The following CORO2A variants were observed in gnomAD, a reference collection of about 807,000 sequenced individuals.
The protein encoded by CORO2A is coronin-2A.
Under a neutral mutation model 62.4 loss-of-function variants are expected in CORO2A, and 47 were observed. The ratio of observed to expected loss-of-function variants is 0.75; its 90% CI spans 0.60 to 0.96. The LOEUF (loss-of-function observed/expected upper bound fraction) is 0.96. Among genes scored for constraint, CORO2A ranks in the 40% least tolerant of loss-of-function variants. The probability of loss-of-function intolerance (pLI) is 0.00; values close to 1 mark genes in which losing one functional copy is unlikely to be tolerated. For missense variants in CORO2A, 610 were observed against 684.1 expected, an observed-to-expected ratio of 0.89 and a Z score of 1.21; for synonymous variants, 273 against 268.9, an observed-to-expected ratio of 1.02 and a Z score of -0.15.
rs1323150725 is a variant in CORO2A at position 98,132,896 on chromosome 9, G to T, written c.648+142C>A. On this transcript the variant is annotated intron_variant, in intron 5 of 11. Coordinates refer to ENST00000375077, the MANE Select transcript of CORO2A (RefSeq NM_052820.4). ...ACATATCCCACCTTCCAGCAATCCCGAGAGGACAGACAGGGATGCTGCCTG... is the reference window on the plus strand; with the variant it reads ...ACATATCCCACCTTCCAGCAATCCCTAGAGGACAGACAGGGATGCTGCCTG... The T allele has an allele frequency of 3.2e-6, 3 of 928,076 alleles. No homozygotes were observed. The Admixed American group carries it at 8.3e-5, about 26-fold the overall frequency. 57.5% of individuals were successfully genotyped at this position (928,076 alleles called of 1,614,324 possible).
In CORO2A at chr9:98,127,817, C is replaced by CA. The variant is rs11342322; in HGVS notation, c.1171+352dup. 5.7e-3 allele frequency among the ~76,000 whole-genome samples: 279 copies of CA among 49,034 alleles called. 13 individuals are homozygous for CA. Among genetic ancestry groups the CA allele is most frequent in the African/African-American group, 6.1e-3 (73 of 11,900 alleles). The allele number at this position is 49,034 out of a possible 152,430, so 32.2% of individuals were successfully genotyped here. A position where few individuals can be genotyped will look rare whatever the true frequency, so the allele number is the denominator to read the frequency against. ...TGGGCAACAAAGCGAGACTCTGTCT[C>CA]AAAAAAAAAAAAAAAAAAAAAAAAA... On this transcript the variant is annotated intron_variant, in intron 10 of 11. Transcript: ENST00000375077.
In CORO2A at chr9:98,157,623, C is replaced by T. The variant is rs143420950; in HGVS notation, c.38G>A (p.Arg13His). The T allele has an allele frequency of 5.3e-5, 86 of 1,613,726 alleles. No individual in the cohort carries two copies. The highest frequency in any genetic ancestry group is 2.3e-4 in the African/African-American group (17 of 74,868). Residue 13 changes from arginine (R) to histidine (H), a missense_variant, in exon 2 of 12, where the codon CGT becomes CAT. Physicochemically the swap from Arg to His is conservative, Grantham distance 29. Transcript: ENST00000375077. ...WHPQYRSSKF[R>H]HVFGKPASKE... is the part of the protein sequence containing the mutation. ...GCTGGCTGGTTTGCCAAAGACATGA[C>T]GGAACTTGGAGCTCCGGTACTGGGG...
chr9:98,177,836 A>G (rs1286572988), intron 1 of CORO2A, among the ~76,000 whole-genome samples: 1 of 152,150 alleles, frequency 6.6e-6, no homozygotes, highest in Admixed American at 6.5e-5. Flanking sequence ...ACGTATACAC[A>G]GAGTGAGATT....
At chr9:98,181,625 A>T (rs16913593) in intron 1 of CORO2A, among the ~76,000 whole-genome samples, 16,395 of 152,012 alleles carry the variant, frequency 0.11, 1,139 homozygotes, top group East Asian at 0.22. Flanking sequence ...AGCTGCACAC[A>T]TCACGGTGCT....
chr9:98,135,044 C>G, intron 3 of CORO2A, 89 bp from the exon 4 acceptor site: 1 of 1,526,086 alleles, frequency 6.6e-7, no homozygotes, highest in East Asian at 2.3e-5. Context: ...CAGTGACCAG[C>G]AGAAGGACCA....
At chr9:98,189,849 T>C (rs1828282971) in intron 1 of CORO2A, among the ~76,000 whole-genome samples, 1 of 152,064 alleles carries the variant, frequency 6.6e-6, no homozygotes, top group Non-Finnish European at 1.5e-5. Context: ...AAGCCTCAGA[T>C]AAAACTGAAC....
At chr9:98,142,903 C>T (rs1230323438) in intron 2 of CORO2A, among the ~76,000 whole-genome samples, 19 of 150,396 alleles carry the variant, frequency 1.3e-4, no homozygotes, top group Non-Finnish European at 1.5e-5. Context: ...TGGCAGATTG[C>T]TCTGCTTCTA....
At chr9:98,131,504 G>C (rs1366930143) in intron 6 of CORO2A, among the ~76,000 whole-genome samples, 2 of 151,922 alleles carry the variant, frequency 1.3e-5, no homozygotes, top group African/African-American at 4.8e-5. Context: ...TTTTTGCAGA[G>C]ATGGGGGTCC....
At chr9:98,143,799 A>G (rs1827606584) in intron 2 of CORO2A, among the ~76,000 whole-genome samples, 1 of 152,168 alleles carries the variant, frequency 6.6e-6, no homozygotes, top group African/African-American at 2.4e-5. Context: ...TTTCCTACAT[A>G]GCAGTGGCTC....
intron 1 of CORO2A, among the ~76,000 whole-genome samples, chr9:98,166,675 C>G (rs1341625793): frequency 6.6e-6 from 1 of 151,984 alleles, no homozygotes; most frequent in South Asian, 2.1e-4. Context: ...GAATATACAC[C>G]CTTAAAGAAA....
At chr9:98,140,018 AGT>A (rs1028441905) in intron 2 of CORO2A, among the ~76,000 whole-genome samples, 2 of 152,132 alleles carry the variant, frequency 1.3e-5, no homozygotes, top group African/African-American at 2.4e-5. Flanking sequence ...ACACCAGTTC[AGT>A]CACAGAACCT....
intron 1 of CORO2A, among the ~76,000 whole-genome samples, chr9:98,188,540 G>A (rs145825494): frequency 5.3e-5 from 8 of 152,204 alleles, no homozygotes; most frequent in Admixed American, 2.0e-4. Context: ...CGAGACAAGC[G>A]GATCATTTGA....
Position 98,167,103 on chromosome 9 carries a change from C to CAAAA in CORO2A, c.1-9447_1-9444dup, listed in dbSNP as rs35581733. The stretch of plus-strand genomic sequence containing the variant: ...TGGGTGATAAAGCAAGATCCTGTCT[C>CAAAA]AAAAAAAAAAAAAAAAGAAAGAAAA... On this transcript the variant is annotated intron_variant, in intron 1 of 11. Coordinates refer to ENST00000375077, the MANE Select transcript of CORO2A (RefSeq NM_052820.4). Among the ~76,000 whole-genome samples the CAAAA allele has an allele frequency of 7.7e-4, 76 of 98,870 alleles. 2 individuals carry two copies. The highest frequency in any genetic ancestry group is 4.5e-3 in the East Asian group (17 of 3,804). The allele number at this position is 98,870 out of a possible 152,430, so 64.9% of individuals were successfully genotyped here. A position where few individuals can be genotyped will look rare whatever the true frequency, so the allele number is the denominator to read the frequency against.
intron 1 of CORO2A, among the ~76,000 whole-genome samples, chr9:98,163,743 A>T (rs12552199): frequency 0.27 from 30,545 of 111,348 alleles, 2,865 homozygotes; most frequent in Middle Eastern, 0.35. Flanking sequence ...TGTGTGTGTG[A>T]GAGAGAGAGA....
chr9:98,130,673 C>A (rs571651814), intron 7 of CORO2A, among the ~76,000 whole-genome samples: 56 of 152,342 alleles, frequency 3.7e-4, no homozygotes, highest in Non-Finnish European at 7.2e-4. Context: ...CAGTGGAGAC[C>A]TGTTCTGCCC....
chr9:98,161,666 G>A (rs943422469), intron 1 of CORO2A, among the ~76,000 whole-genome samples: 1 of 152,174 alleles, frequency 6.6e-6, no homozygotes, highest in African/African-American at 2.4e-5. Flanking sequence ...GCAGGTAAGA[G>A]GCAATGGTCA....
intron 1 of CORO2A, among the ~76,000 whole-genome samples, chr9:98,171,908 C>T (rs753553900): frequency 5.9e-5 from 9 of 151,914 alleles, no homozygotes; most frequent in Non-Finnish European, 1.3e-4. Context: ...TGGTCAGAGC[C>T]GAAATAGACT....
intron 1 of CORO2A, among the ~76,000 whole-genome samples, chr9:98,188,356 TTTA>T (rs1828263544): frequency 1.3e-5 from 2 of 152,224 alleles, no homozygotes; most frequent in South Asian, 4.1e-4. Flanking sequence ...ATCTATTTTA[TTTA>T]TTGTTTTTCA....
chr9:98,182,350 C>G (rs1015320877), intron 1 of CORO2A, among the ~76,000 whole-genome samples: 3 of 152,152 alleles, frequency 2.0e-5, no homozygotes, highest in Non-Finnish European at 2.9e-5. Context: ...CCAGGGCAGG[C>G]CACACAGGCC....
Sources: gnomAD v4.1 joint callset for allele counts (sites outside exome capture counted in the v4.1 genomes callset) on GRCh38, gnomAD v4.1.1 for gene constraint, MANE v1.5 for transcripts, NCBI Gene and HGNC (gene_info 2026-07-23, HGNC 2026-07-21) for gene names.